ZNF229: variants seen among roughly 807,000 people sequenced by gnomAD.
ZNF229 encodes zinc finger protein 229.
A neutral mutation model predicts 11.8 loss-of-function variants in ZNF229; 10 were observed. The ratio of observed to expected loss-of-function variants is 0.85; its 90% CI spans 0.52 to 1.44. The LOEUF (loss-of-function observed/expected upper bound fraction) is 1.44. ZNF229 is among the 40% of genes most tolerant of loss of function. The probability of loss-of-function intolerance (pLI) is 0.00; values close to 1 mark genes in which losing one functional copy is unlikely to be tolerated. For missense variants in ZNF229, 1,045 were observed against 1,015.1 expected (o/e 1.03, Z -0.40); for synonymous variants, 368 against 374.8 (o/e 0.98, Z 0.21).
chr19:44,447,763 A>G (rs915597479), intron 1 of ZNF229, among the ~76,000 whole-genome samples, 163 bp from the exon 2 acceptor site: 1 of 152,190 alleles, frequency 6.6e-6, no homozygotes, highest in Non-Finnish European at 1.5e-5. Context: ...CTCTTCCTAC[A>G]GGACTCAGAG....
In ZNF229 at chr19:44,430,687, AGAG is replaced by A. The variant is rs1256961097; in HGVS notation, c.239-148_239-146del. 1.4e-5 allele frequency: 10 copies of A among 712,076 alleles called. No homozygotes were observed. In the Admixed American group the frequency reaches 3.0e-4, roughly 21 times the overall value. The allele number at this position is 712,076 out of a possible 1,614,324, so 44.1% of individuals were successfully genotyped here. Reference sequence around the variant, plus strand: ...TATTAGAGCACTTATGTTTATGACAAGAGGAGGCTCCTATTAATAAGTTTTGAA... The same window carrying A: ...TATTAGAGCACTTATGTTTATGACAAGAGGCTCCTATTAATAAGTTTTGAA... On this transcript the variant is annotated intron_variant, in intron 5 of 5. Transcript: ENST00000614049.
intron 4 of ZNF229, among the ~76,000 whole-genome samples, chr19:44,438,616 G>A (rs920403275): frequency 5.9e-5 from 9 of 152,112 alleles, no homozygotes; most frequent in African/African-American, 1.7e-4. Context: ...TTCAGGATGG[G>A]GCTGCTTACT....
rs1277450628 is a variant in ZNF229, at chr19:44,429,413, A to G, written c.1368T>C (p.Pro456=). The G allele has an allele frequency of 1.2e-6, 2 of 1,613,750 alleles. No individual in the cohort carries two copies. Among genetic ancestry groups the G allele is most frequent in the Non-Finnish European group, 1.7e-6 (2 of 1,179,964 alleles). The change falls in exon 6 of 6, where the codon CCT becomes CCC. Residue 456 remains proline (P), a synonymous_variant. Coordinates refer to ENST00000614049, the MANE Select transcript of ZNF229 (RefSeq NM_014518.4). The part of the protein sequence containing the change: ...SALHKHQHIH[P]GEKPYSCGEC... ...CGCCACAGCTGTAGGGCTTTTCTCC[A>G]GGGTGAATGTGCTGGTGTTTGTGCA...
Position 44,428,370 on chromosome 19 carries a change from C to G in ZNF229, c.2411G>C (p.Gly804Ala), listed in dbSNP as rs370593038. ...CCGCAGACCTGAGGTATAACTGAAGCCTTTCCCACACACACCACACGTATA... is the reference window on the plus strand; with the variant it reads ...CCGCAGACCTGAGGTATAACTGAAGGCTTTCCCACACACACCACACGTATA... ...KPYTCGVCGKGFSYTSGLRNH... is the reference protein window; with the variant it reads ...KPYTCGVCGKAFSYTSGLRNH... Residue 804 changes from glycine (G) to alanine (A), a missense_variant, in exon 6 of 6, where the codon GGC becomes GCC. Transcript: ENST00000614049. 5.6e-6 allele frequency: 9 copies of G among 1,614,108 alleles called. No individual in the cohort carries two copies. The highest frequency in any genetic ancestry group is 1.7e-5 in the Admixed American group (1 of 60,020).
Position 44,432,277 on chromosome 19 carries a change from A to C in ZNF229, c.183T>G (p.Asp61Glu), listed in dbSNP as rs772353978. 6.2e-7 allele frequency: 1 copy of C among 1,613,828 alleles called. No homozygotes were observed. Among genetic ancestry groups the C allele is most frequent in the Non-Finnish European group, 8.5e-7 (1 of 1,179,958 alleles). The change falls in exon 5 of 6, where the codon GAT (aspartate) becomes GAG (glutamate). Residue 61 changes from aspartate to glutamate, a missense_variant. Coordinates refer to ENST00000614049, the MANE Select transcript of ZNF229 (RefSeq NM_014518.4). ...LDSTQRQLYQDVMQENFRNLL... is the reference protein window; with the variant it reads ...LDSTQRQLYQEVMQENFRNLL... The stretch of plus-strand genomic sequence containing the variant: ...GGTTCCTGAAATTCTCCTGCATCAC[A>C]TCTTGGTACAGCTGCCTCTGGGTAG...
intron 4 of ZNF229, among the ~76,000 whole-genome samples, chr19:44,442,342 A>G (rs1358560805): frequency 6.6e-6 from 1 of 152,182 alleles, no homozygotes; most frequent in African/African-American, 2.4e-5. Context: ...ATCGAATCCA[A>G]TTGACCTACC....
rs1971585370 is a variant in ZNF229 at position 44,427,009 on chromosome 19, G to C, written c.*1294C>G. On this transcript the variant is annotated 3_prime_UTR_variant, in exon 6 of 6. Coordinates refer to ENST00000614049, the MANE Select transcript of ZNF229 (RefSeq NM_014518.4). ...CTTAGTCATGGCAGAACGCAAAAGAGAAATAAGGACCTTCTTCACAAGGGG... is the reference window on the plus strand; with the variant it reads ...CTTAGTCATGGCAGAACGCAAAAGACAAATAAGGACCTTCTTCACAAGGGG... The C allele has an allele frequency of 6.6e-6, 1 of 152,132 alleles. No individual in the cohort carries two copies. The highest frequency in any genetic ancestry group is 2.4e-5 in the African/African-American group (1 of 41,380). 9.4% of individuals were successfully genotyped at this position (152,132 alleles called of 1,614,324 possible). A position where few individuals can be genotyped will look rare whatever the true frequency, so the allele number is the denominator to read the frequency against.
rs199929298 is a variant in ZNF229 at position 44,428,572 on chromosome 19, C to T, written c.2209G>A (p.Glu737Lys). ...CACACGTGGCATCTGTATGGCTTCTCGCCAGTGTGCACTCTCTTATGACTA... is the reference window on the plus strand; with the variant it reads ...CACACGTGGCATCTGTATGGCTTCTTGCCAGTGTGCACTCTCTTATGACTA... ...LLSHKRVHTG[E>K]KPYRCHVCGK... The change falls in exon 6 of 6, where the codon GAG becomes AAG. Residue 737 changes from glutamate to lysine, a missense_variant. By Grantham distance (56) the Glu-to-Lys change is moderately conservative. Transcript: ENST00000614049. 133 of 1,613,512 alleles carry T rather than the reference C, an allele frequency of 8.2e-5. No individual in the cohort carries two copies. Among genetic ancestry groups the T allele is most frequent in the Middle Eastern group, 1.6e-4 (1 of 6,082 alleles).
chr19:44,446,866 G>GA (rs11321829), intron 2 of ZNF229, among the ~76,000 whole-genome samples: 29,883 of 152,002 alleles, frequency 0.2, 3,054 homozygotes, highest in East Asian at 0.35. Context: ...GCTATCAGGT[G>GA]AACATATGTG....
At chr19:44,434,455 G>A (rs1232313283) in intron 4 of ZNF229, among the ~76,000 whole-genome samples, 1 of 152,016 alleles carries the variant, frequency 6.6e-6, no homozygotes, top group Non-Finnish European at 1.5e-5. Flanking sequence ...TTTGAACCAA[G>A]GAATTTCAAA....
In ZNF229 at chr19:44,429,854, G is replaced by C; in HGVS notation, c.927C>G (p.Asn309Lys). 6.2e-7 allele frequency: 1 copy of C among 1,614,012 alleles called. No individual in the cohort carries two copies. Among genetic ancestry groups the C allele is most frequent in the Non-Finnish European group, 8.5e-7 (1 of 1,180,006 alleles). ...SEGLRHSAHL[N>K]RHQRVPTGEK... ...CTCCTGTGGGAACTCTTTGATGTCT[G>C]TTAAGATGGGCACTGTGCCTCAAGC... Residue 309 changes from asparagine (N) to lysine (K), a missense_variant, in exon 6 of 6, where the codon AAC becomes AAG. Asn to Lys is a moderately conservative substitution (Grantham distance 94). Coordinates refer to ENST00000614049, the MANE Select transcript of ZNF229 (RefSeq NM_014518.4).
At chr19:44,433,647 T>C (rs775456876) in intron 4 of ZNF229, among the ~76,000 whole-genome samples, 15 of 152,094 alleles carry the variant, frequency 9.9e-5, no homozygotes, top group Non-Finnish European at 2.1e-4. Context: ...TTCTGAGGCC[T>C]CCTTAGAAGC....
chr19:44,435,487 C>T (rs1385872169), intron 4 of ZNF229, among the ~76,000 whole-genome samples: 2 of 152,134 alleles, frequency 1.3e-5, no homozygotes, highest in African/African-American at 2.4e-5. Context: ...TGCTTAATTC[C>T]TCCAAAAATA....
chr19:44,429,253 C>T lies in ZNF229; in HGVS notation c.1528G>A (p.Val510Ile), dbSNP rs1405394384. Residue 510 changes from valine to isoleucine, a missense_variant, in exon 6 of 6, where the codon GTT (valine) becomes ATT (isoleucine). By Grantham distance (29) the Val-to-Ile change is conservative. Transcript: ENST00000614049. ...HNSYLQAHQR[V>I]HMGQHLYKCN... ...TTGTACAGATGCTGCCCCATGTGAA[C>T]TCTCTGGTGAGCTTGAAGGTACGAG... is the stretch of plus-strand genomic sequence containing the variant. 1.2e-6 allele frequency: 2 copies of T among 1,614,102 alleles called. No homozygotes were observed. The highest frequency in any genetic ancestry group is 2.2e-5 in the East Asian group (1 of 44,876).
chr19:44,447,004 C>CCTGGTTT (rs1431997346), intron 2 of ZNF229, among the ~76,000 whole-genome samples: 2 of 152,100 alleles, frequency 1.3e-5, no homozygotes, highest in African/African-American at 2.4e-5. Context: ...AGCGCAAAGA[C>CCTGGTTT]CTGGTTTCTG....
At chr19:44,448,567 T>A (rs1175418003), upstream of ZNF229, 1 of 151,988 alleles carries the variant, frequency 6.6e-6, no homozygotes, top group Non-Finnish European at 1.5e-5. Flanking sequence ...GGGGCGATGG[T>A]GTCGTAAATG....
At chr19:44,430,775 C>T (rs984002197) in intron 5 of ZNF229, among the ~76,000 whole-genome samples, 1 of 151,892 alleles carries the variant, frequency 6.6e-6, no homozygotes, top group Non-Finnish European at 1.5e-5. Context: ...AATTGCCAGG[C>T]AAAAAAAGAA....
At chr19:44,438,159 CT>C (rs1971846352) in intron 4 of ZNF229, among the ~76,000 whole-genome samples, 1 of 152,072 alleles carries the variant, frequency 6.6e-6, no homozygotes, top group Admixed American at 6.5e-5. Context: ...AATTATAACA[CT>C]TTTGATAAGT....
Position 44,429,208 on chromosome 19 carries a change from T to A in ZNF229, c.1573A>T (p.Ser525Cys). The A allele has an allele frequency of 6.2e-7, 1 of 1,613,502 alleles. No homozygotes were observed. The highest frequency in any genetic ancestry group is 8.5e-7 in the Non-Finnish European group (1 of 1,179,910). The change falls in exon 6 of 6, where the codon AGT becomes TGT. Residue 525 changes from serine to cysteine, a missense_variant. Physicochemically the swap from Ser to Cys is moderately radical, Grantham distance 112. Coordinates refer to ENST00000614049, the MANE Select transcript of ZNF229 (RefSeq NM_014518.4). The stretch of plus-strand genomic sequence containing the variant: ...AGAAGCCCTGAGCTGTAACTGAAAC[T>A]CTTACCACACACGTTACATTTGTAC... The part of the protein sequence containing the change: ...HLYKCNVCGK[S>C]FSYSSGLLMH...
Sources: allele counts gnomAD v4.1 joint callset (sites outside exome capture counted in the v4.1 genomes callset), GRCh38; gene constraint gnomAD v4.1.1; transcripts MANE v1.5; gene names NCBI Gene and HGNC (gene_info 2026-07-23, HGNC 2026-07-21).